Variants in RBFOX1 observed in about 807,000 individuals in gnomAD.
RBFOX1 encodes the protein RNA binding protein fox-1 homolog 1.
RBFOX1 carries 8 observed loss-of-function variants against 57.7 expected under a neutral mutation model. That is an observed-to-expected ratio of 0.14 (90% CI 0.08 to 0.25). The LOEUF is 0.25. RBFOX1 is among the 10% of genes least tolerant of loss of function. The pLI is 1.00. For missense variants in RBFOX1, 611 were observed against 548.5 expected (o/e 1.11, Z -1.14); for synonymous variants, 326 against 222.4 (o/e 1.47, Z -4.15).
intron 9 of RBFOX1, among the ~76,000 whole-genome samples, chr16:7,598,059 A>G (rs932809454): frequency 3.9e-5 from 6 of 152,198 alleles, no homozygotes; most frequent in Non-Finnish European, 8.8e-5. Flanking sequence ...CCTCCTAAAA[A>G]GCATTCACAT....
At chr16:6,896,285 C>A (rs1366538493) in intron 3 of RBFOX1, among the ~76,000 whole-genome samples, 1 of 152,026 alleles carries the variant, frequency 6.6e-6, no homozygotes, top group Non-Finnish European at 1.5e-5. Context: ...AACAGTTTAT[C>A]CTTTTTGGTA....
chr16:7,245,383 A>T (rs934146957), intron 4 of RBFOX1, among the ~76,000 whole-genome samples: 3 of 152,124 alleles, frequency 2.0e-5, no homozygotes, highest in Non-Finnish European at 2.9e-5. Flanking sequence ...TTGCATAGGT[A>T]AACATGTGCC....
chr16:7,075,193 G>C (rs1268245702), intron 4 of RBFOX1, among the ~76,000 whole-genome samples: 2 of 152,182 alleles, frequency 1.3e-5, no homozygotes, highest in African/African-American at 4.8e-5. Context: ...AGACTGCAGT[G>C]ATGTTGCATA....
intron 2 of RBFOX1, among the ~76,000 whole-genome samples, chr16:6,515,751 T>G (rs2096364005): frequency 1.3e-5 from 2 of 152,146 alleles, no homozygotes; most frequent in South Asian, 4.1e-4. Flanking sequence ...TGAACTAATG[T>G]TAGCCATAAA....
At chr16:5,563,509 C>T (rs1336990425) in intron 2 of RBFOX1, among the ~76,000 whole-genome samples, 3 of 152,112 alleles carry the variant, frequency 2.0e-5, no homozygotes. Flanking sequence ...TAAATATAAA[C>T]CATCTGGTAG....
chr16:5,558,383 ACCTACCCAT>A (rs2045760799), intron 2 of RBFOX1, among the ~76,000 whole-genome samples: 1 of 152,012 alleles, frequency 6.6e-6, no homozygotes, highest in Non-Finnish European at 1.5e-5. Context: ...TGTCCTCACC[ACCTACCCAT>A]CTGCAAGTTC....
At chr16:5,734,764 G>A (rs2052512133) in intron 3 of RBFOX1, among the ~76,000 whole-genome samples, 2 of 152,170 alleles carry the variant, frequency 1.3e-5, no homozygotes, top group African/African-American at 4.8e-5. Context: ...GTAGGCTATA[G>A]GGAATAGCAT....
intron 3 of RBFOX1, among the ~76,000 whole-genome samples, chr16:5,855,356 G>C (rs1418993634): frequency 6.6e-6 from 1 of 152,200 alleles, no homozygotes; most frequent in Non-Finnish European, 1.5e-5. Context: ...TACGGTTCAA[G>C]TCTTATGTTT....
chr16:7,225,755 G>A lies in RBFOX1; in HGVS notation c.27+173657G>A, dbSNP rs1026788377. On this transcript the variant is annotated intron_variant, in intron 4 of 15. Transcript: ENST00000550418. ...TAAAAATGTGAATGTCAGACATTTG[G>A]GGGTGGGGGGAGGGGGGAGGGATAG... Among the ~76,000 whole-genome samples, 5 of 102,502 alleles carry A rather than the reference G, an allele frequency of 4.9e-5. No homozygotes were observed. The Admixed American group carries it at 5.6e-4, about 12-fold the overall frequency. 67.2% of individuals were successfully genotyped at this position (102,502 alleles called of 152,430 possible).
At chr16:5,877,467 T>C (rs2057643132) in intron 4 of RBFOX1, among the ~76,000 whole-genome samples, 1 of 152,254 alleles carries the variant, frequency 6.6e-6, no homozygotes, top group African/African-American at 2.4e-5. Context: ...CCAGGAAGCC[T>C]GGCTTCAGAT....
At chr16:7,069,682 C>T (rs1203261429) in intron 4 of RBFOX1, among the ~76,000 whole-genome samples, 1 of 152,146 alleles carries the variant, frequency 6.6e-6, no homozygotes, top group Non-Finnish European at 1.5e-5. Context: ...GATCGTGCCC[C>T]AGCTTCCTCA....
At chr16:6,220,724 C>CT in intron 1 of RBFOX1, among the ~76,000 whole-genome samples, 1 of 13,710 alleles carries the variant, frequency 7.3e-5, no homozygotes, top group Middle Eastern at 0.056. Context: ...GACTAACCGC[C>CT]CCCCCCCAGT....
At chr16:6,565,533 A>G (rs942938006) in intron 2 of RBFOX1, among the ~76,000 whole-genome samples, 1 of 149,846 alleles carries the variant, frequency 6.7e-6, no homozygotes, top group Non-Finnish European at 1.5e-5. Context: ...CTCGGATTAC[A>G]GGTGTGAGTC....
chr16:7,249,331 G>C (rs2094427291), intron 4 of RBFOX1, among the ~76,000 whole-genome samples: 1 of 152,004 alleles, frequency 6.6e-6, no homozygotes, highest in Non-Finnish European at 1.5e-5. Flanking sequence ...GAATAAATAA[G>C]ATAGGAGGAG....
At position 7,108,527 on chromosome 16, in the gene RBFOX1, A is replaced by G. The variant is rs2064028933; in HGVS notation, c.27+56429A>G. ...CAGGATATGTTTCTAGGTACTGAGT[A>G]TATGGTGGTGCAGAAGGTGATTCTG... On this transcript the variant is annotated intron_variant, in intron 4 of 15. Coordinates refer to ENST00000550418, the MANE Select transcript of RBFOX1 (RefSeq NM_018723.4). 3.3e-5 allele frequency among the ~76,000 whole-genome samples: 5 copies of G among 152,148 alleles called. No individual in the cohort carries two copies. In the South Asian group the frequency reaches 1.0e-3, roughly 32 times the overall value.
rs1567356470 is a variant in RBFOX1 at position 5,657,607 on chromosome 16, GCTTTCTTTCTTTCTCTCTTTCTTT to G, written c.318+58661_318+58684del. On this transcript the variant is annotated intron_variant, in intron 3 of 19. Coordinates refer to the RBFOX1 transcript ENST00000641259. ...GAGGTCTGTAAATTCTTTCTCGCTC[GCTTTCTTTCTTTCTCTCTTTCTTT>G]CTTTCTTTCTTTCTTTCTTTCTTTT... Among the ~76,000 whole-genome samples, 5 of 94,184 alleles carry G rather than the reference GCTTTCTTTCTTTCTCTCTTTCTTT, an allele frequency of 5.3e-5. No homozygotes were observed. The East Asian group carries it at 1.3e-3, about 24-fold the overall frequency. 61.8% of individuals were successfully genotyped at this position (94,184 alleles called of 152,430 possible).
chr16:7,159,427 A>G (rs72765535), intron 4 of RBFOX1, among the ~76,000 whole-genome samples: 33,601 of 151,958 alleles, frequency 0.22, 4,598 homozygotes, highest in East Asian at 0.39. Context: ...ATTAGCATCT[A>G]TGTCACTCTA....
chr16:5,460,803 C>T (rs1452433718), intron 1 of RBFOX1, among the ~76,000 whole-genome samples: 1 of 152,136 alleles, frequency 6.6e-6, no homozygotes, highest in Non-Finnish European at 1.5e-5. Flanking sequence ...GAGGAAGGCA[C>T]AAAGGAAAAG....
At chr16:5,240,681 C>T (rs2062143625) in intron 1 of RBFOX1, among the ~76,000 whole-genome samples, 2 of 152,188 alleles carry the variant, frequency 1.3e-5, no homozygotes, top group African/African-American at 2.4e-5. Flanking sequence ...CTCTTTCCAT[C>T]CCTACAGAGA....
Sources: gnomAD v4.1 joint callset for allele counts (sites outside exome capture counted in the v4.1 genomes callset) on GRCh38, gnomAD v4.1.1 for gene constraint, MANE v1.5 for transcripts, NCBI Gene and HGNC (gene_info 2026-07-23, HGNC 2026-07-21) for gene names.